Variants in CAPRIN2 observed in about 807,000 individuals in gnomAD.
CAPRIN2 encodes the protein caprin family member 2.
Under a neutral mutation model 130.4 loss-of-function variants are expected in CAPRIN2, and 66 were observed. That is an observed-to-expected ratio of 0.51 (90% CI 0.42 to 0.62). The LOEUF (loss-of-function observed/expected upper bound fraction) is 0.62. CAPRIN2 is among the 20% of genes least tolerant of loss of function. The probability of loss-of-function intolerance (pLI) is 0.00; values close to 1 mark genes in which losing one functional copy is unlikely to be tolerated. For synonymous variants in CAPRIN2, 471 were observed against 444.1 expected, an observed-to-expected ratio of 1.06 and a Z score of -0.76; for missense variants, 1,185 against 1,246.6, an observed-to-expected ratio of 0.95 and a Z score of 0.74.
chr12:30,739,204 C>A (rs1169892723), intron 3 of CAPRIN2, among the ~76,000 whole-genome samples: 3 of 152,186 alleles, frequency 2.0e-5, no homozygotes, highest in Non-Finnish European at 4.4e-5. Flanking sequence ...ACATATATAT[C>A]ATGGAATACC....
At chr12:30,748,188 G>C (rs970585232) in intron 2 of CAPRIN2, among the ~76,000 whole-genome samples, 1 of 152,148 alleles carries the variant, frequency 6.6e-6, no homozygotes, top group Non-Finnish European at 1.5e-5. Context: ...CTCCAATTTT[G>C]AAAAAAGTCC....
In CAPRIN2 at chr12:30,713,775, T is replaced by G. The variant is rs991866726; in HGVS notation, c.2601+10A>C. 3 of 1,484,218 alleles carry G rather than the reference T, an allele frequency of 2.0e-6. No individual in the cohort carries two copies. The Admixed American group carries it at 5.0e-5, about 25-fold the overall frequency. 91.9% of individuals were successfully genotyped at this position (1,484,218 alleles called of 1,614,324 possible). On this transcript the variant is annotated intron_variant, in intron 15 of 16. Transcript: ENST00000298892. Reference sequence around the variant, plus strand: ...ACCACTATTCAACTATGACAACTATTCTTACTTACCCTTTGGGAATAAGGT... The same window carrying G: ...ACCACTATTCAACTATGACAACTATGCTTACTTACCCTTTGGGAATAAGGT...
intron 2 of CAPRIN2, among the ~76,000 whole-genome samples, chr12:30,744,903 T>C (rs2069250168): frequency 3.9e-5 from 6 of 152,154 alleles, no homozygotes; most frequent in Admixed American, 3.9e-4. Flanking sequence ...ATGGTCAAGA[T>C]TCTGAACAAT....
At chr12:30,713,017 C>T (rs1003634768) in intron 15 of CAPRIN2, among the ~76,000 whole-genome samples, 6 of 152,132 alleles carry the variant, frequency 3.9e-5, no homozygotes, top group African/African-American at 1.4e-4. Context: ...GCTGGGATTA[C>T]AGGCGTGAGT....
At chr12:30,749,595 G>A (rs141259849) in intron 2 of CAPRIN2, among the ~76,000 whole-genome samples, 30 of 152,324 alleles carry the variant, frequency 2.0e-4, no homozygotes, top group African/African-American at 6.5e-4. Context: ...GCTATGAGGA[G>A]AAAGGAGATA....
chr12:30,739,527 C>T (rs2066409199), intron 3 of CAPRIN2, among the ~76,000 whole-genome samples: 1 of 152,064 alleles, frequency 6.6e-6, no homozygotes, highest in African/African-American at 2.4e-5. Context: ...TTATAACAAA[C>T]CTGCACATAT....
intron 9 of CAPRIN2, 119 bp downstream of exon 10, chr12:30,725,847 G>T: frequency 2.5e-6 from 2 of 788,386 alleles, no homozygotes; most frequent in Non-Finnish European, 3.6e-6. Context: ...GGCTAGGAGA[G>T]CTAGGAGGCA....
rs2054213783 is a variant in CAPRIN2 at position 30,710,938 on chromosome 12, A to G, written c.2666-468T>C. Among the ~76,000 whole-genome samples the G allele has an allele frequency of 6.6e-6, 1 of 152,220 alleles. No individual in the cohort carries two copies. The highest frequency in any genetic ancestry group is 1.5e-5 in the Non-Finnish European group (1 of 68,040). ...TATTGATATGGAACTAAGTCCCATG[A>G]TGATGAATGCTTTTTTTATTTCCAA... On this transcript the variant is annotated intron_variant, in intron 16 of 16. Transcript: ENST00000298892. This position sits in a 1 kb window ranked among gnomAD's most constrained non-coding sequence, Gnocchi z 4.8.
chr12:30,711,831 T>G, intron 15 of CAPRIN2: 1 of 683,876 alleles, frequency 1.5e-6, no homozygotes, highest in South Asian at 1.5e-5. Context: ...GCTTCACCTG[T>G]TAATTAACCT....
At chr12:30,720,865 G>T in exon 12 of CAPRIN2, 1 of 1,613,732 alleles carries the variant, frequency 6.2e-7, no homozygotes, top group Admixed American at 1.7e-5. Context: ...AAGCCTGATC[G>T]GTAGTAACCA....
At chr12:30,731,286 C>T (rs2062587747) in intron 6 of CAPRIN2, 57 bp downstream of exon 7, 2 of 1,364,846 alleles carry the variant, frequency 1.5e-6, no homozygotes, top group Non-Finnish European at 2.1e-6. Flanking sequence ...ATACGTGACT[C>T]ATTTGGGGTA....
chr12:30,732,454 TAC>T (rs1453596427), intron 5 of CAPRIN2, among the ~76,000 whole-genome samples: 1 of 151,950 alleles, frequency 6.6e-6, no homozygotes, highest in African/African-American at 2.4e-5. Context: ...ATCTTAACTA[TAC>T]AGTTTTAACA....
intron 1 of CAPRIN2, among the ~76,000 whole-genome samples, chr12:30,752,945 T>C (rs573635614): frequency 6.6e-6 from 1 of 151,582 alleles, no homozygotes; most frequent in African/African-American, 2.5e-5. Context: ...CTAGTTCTAC[T>C]ACGGTTAAAC....
intron 7 of CAPRIN2, 23 bp from the exon 9 acceptor site, chr12:30,729,348 T>TA (rs2061874132): frequency 6.6e-7 from 1 of 1,505,526 alleles, no homozygotes. Context: ...ACAATGCACT[T>TA]AAGTCACAAA....
intron 2 of CAPRIN2, among the ~76,000 whole-genome samples, chr12:30,745,218 A>T (rs1395424989): frequency 1.3e-5 from 2 of 152,254 alleles, no homozygotes; most frequent in African/African-American, 4.8e-5. Flanking sequence ...AGAACCAAAG[A>T]CATCAAGTTC....
At chr12:30,709,772 A>C in exon 17 of CAPRIN2, 1 of 1,044,030 alleles carries the variant, frequency 9.6e-7, no homozygotes, top group Non-Finnish European at 1.4e-6. Flanking sequence ...AAAACAAAAA[A>C]GTAAGGACCT....
At chr12:30,713,424 G>GT (rs1295112965) in intron 15 of CAPRIN2, among the ~76,000 whole-genome samples, 1 of 152,198 alleles carries the variant, frequency 6.6e-6, no homozygotes, top group African/African-American at 2.4e-5. Flanking sequence ...GGGCTCTGGA[G>GT]TAAGAAAGTC....
At chr12:30,724,427 G>T in exon 10 of CAPRIN2, 1 of 1,611,960 alleles carries the variant, frequency 6.2e-7, no homozygotes, top group Non-Finnish European at 8.5e-7. Flanking sequence ...GCACTTGAAG[G>T]TTTGTCAAAG....
At chr12:30,711,167 G>A (rs182359506) in intron 16 of CAPRIN2, among the ~76,000 whole-genome samples, 1 of 152,172 alleles carries the variant, frequency 6.6e-6, no homozygotes, top group East Asian at 1.9e-4. Context: ...TTCTGCTATT[G>A]TCTCAAGTCA....
Sources: gnomAD v4.1 joint callset for allele counts (sites outside exome capture counted in the v4.1 genomes callset) on GRCh38, gnomAD v4.1.1 for gene constraint, Gnocchi (gnomAD v3.1) non-coding constraint, MANE v1.5 for transcripts, NCBI Gene and HGNC (gene_info 2026-07-23, HGNC 2026-07-21) for gene names.